The following MOCOS variants were observed in gnomAD, a reference collection of about 807,000 sequenced individuals.
The protein encoded by MOCOS is human molybdenum cofactor sulfurase.
Under a neutral mutation model 83.6 loss-of-function variants are expected in MOCOS, and 86 were observed. The observed-to-expected ratio is 1.03, with a 90% CI of 0.86 to 1.23. The LOEUF (loss-of-function observed/expected upper bound fraction) is 1.23. MOCOS is among the 50% of genes most tolerant of loss of function. The pLI, the probability that MOCOS is intolerant of heterozygous loss-of-function variation, is 0.00. For synonymous variants in MOCOS, 445 were observed against 434.7 expected, an observed-to-expected ratio of 1.02 and a Z score of -0.29; for missense variants, 1,120 against 1,126.9, an observed-to-expected ratio of 0.99 and a Z score of 0.09.
chr18:36,228,822 G>A (rs550608492), intron 9 of MOCOS, among the ~76,000 whole-genome samples: 3 of 145,714 alleles, frequency 2.1e-5, no homozygotes, highest in Non-Finnish European at 4.5e-5. Flanking sequence ...CTTGTACCAC[G>A]GAACTTAAAA....
Position 36,251,188 on chromosome 18 carries a change from T to A in MOCOS, c.2069T>A (p.Ile690Asn), listed in dbSNP as rs1200105789. ...AGTACTTATGATTGTGGAGAAAAAA[T>A]TTCAAGCTGGTTGTCAACATTTTTT... is the stretch of plus-strand genomic sequence containing the variant. ...RVSTYDCGEKISSWLSTFFGR... is the reference protein window; with the variant it reads ...RVSTYDCGEKNSSWLSTFFGR... Residue 690 changes from isoleucine (I) to asparagine (N), a missense_variant, in exon 11 of 15, where the codon ATT becomes AAT. Physicochemically the swap from Ile to Asn is moderately radical, Grantham distance 149 (BLOSUM62 -3). Coordinates refer to ENST00000261326, the MANE Select transcript of MOCOS (RefSeq NM_017947.4). 8 of 1,613,804 alleles carry A rather than the reference T, an allele frequency of 5.0e-6. No homozygotes were observed. The highest frequency in any genetic ancestry group is 1.3e-5 in the African/African-American group (1 of 75,038).
Position 36,261,741 on chromosome 18 carries a change from C to A in MOCOS, c.2409+1566C>A, listed in dbSNP as rs146326175. On this transcript the variant is annotated intron_variant, in intron 13 of 14. Coordinates refer to ENST00000261326, the MANE Select transcript of MOCOS (RefSeq NM_017947.4). ...CTCTCCCACAAGCCCATCTCAGGCA[C>A]TAGCCCTCCTGCCGTTTCCCTCATC... 9.5e-4 allele frequency among the ~76,000 whole-genome samples: 144 copies of A among 152,288 alleles called. 1 individual carries two copies. In the East Asian group the frequency reaches 0.022, roughly 23 times the overall value.
chr18:36,230,617 C>A (rs1329910975), intron 9 of MOCOS, among the ~76,000 whole-genome samples: 1 of 152,138 alleles, frequency 6.6e-6, no homozygotes, highest in African/African-American at 2.4e-5. Context: ...TGTGCCAGGC[C>A]CATCAGAGCT....
chr18:36,256,866 A>G (rs2091643456), intron 11 of MOCOS, 102 bp from the exon 12 acceptor site: 1 of 1,037,744 alleles, frequency 9.6e-7, no homozygotes. Flanking sequence ...TTTCCCTTGT[A>G]GAAATAGTCT....
chr18:36,201,674 A>AAAAAAAAAAAAG (rs1205619664), intron 4 of MOCOS, among the ~76,000 whole-genome samples: 35 of 148,010 alleles, frequency 2.4e-4, no homozygotes, highest in African/African-American at 6.8e-4. Flanking sequence ...AAAAAAAAAA[A>AAAAAAAAAAAAG]AAAAAGAAAT....
At chr18:36,202,306 C>T (rs149823921) in intron 4 of MOCOS, among the ~76,000 whole-genome samples, 16 of 152,228 alleles carry the variant, frequency 1.1e-4, no homozygotes, top group Non-Finnish European at 1.9e-4. Context: ...AATTGTCAAT[C>T]AATAACTGGC....
At chr18:36,216,817 C>T (rs2091477498) in intron 8 of MOCOS, among the ~76,000 whole-genome samples, 1 of 152,134 alleles carries the variant, frequency 6.6e-6, no homozygotes, top group Non-Finnish European at 1.5e-5. Flanking sequence ...TAATAGACCC[C>T]ATGTTAACCA....
At position 36,205,289 on chromosome 18, in the gene MOCOS, T is replaced by C. The variant is rs2091430827; in HGVS notation, c.1218+13T>C. The stretch of plus-strand genomic sequence containing the variant: ...TGGTTACTCCCAGGTGGGTTTTCTT[T>C]CCATCCTGCTGACTTTATTACAACT... On this transcript the variant is annotated intron_variant, in intron 6 of 14. Coordinates refer to ENST00000261326, the MANE Select transcript of MOCOS (RefSeq NM_017947.4). 5.6e-6 allele frequency: 9 copies of C among 1,607,306 alleles called. No homozygotes were observed. The highest frequency in any genetic ancestry group is 1.1e-5 in the South Asian group (1 of 90,890).
intron 7 of MOCOS, 62 bp from the exon 8 acceptor site, chr18:36,215,454 T>G: frequency 1.3e-6 from 2 of 1,494,866 alleles, no homozygotes; most frequent in East Asian, 4.6e-5. Context: ...TTTGCCGAAC[T>G]GTTTCCAGTG....
intron 8 of MOCOS, among the ~76,000 whole-genome samples, chr18:36,218,835 T>TA (rs1315404587): frequency 7.2e-6 from 1 of 138,532 alleles, no homozygotes; most frequent in Non-Finnish European, 1.5e-5. Context: ...CACTTTATTT[T>TA]ATTTTATTTA....
At chr18:36,190,574 C>A (rs1434878865) in intron 1 of MOCOS, among the ~76,000 whole-genome samples, 5 of 151,836 alleles carry the variant, frequency 3.3e-5, no homozygotes, top group Admixed American at 3.3e-4. Flanking sequence ...CATGGTGAAA[C>A]CCCGTCTCTA....
intron 10 of MOCOS, among the ~76,000 whole-genome samples, chr18:36,250,750 C>T (rs10164003): frequency 1.3e-5 from 2 of 152,164 alleles, no homozygotes; most frequent in South Asian, 4.1e-4. Context: ...TTTTACAAAC[C>T]AAACACGTCA....
At chr18:36,219,061 G>A (rs1314267504) in intron 8 of MOCOS, among the ~76,000 whole-genome samples, 2 of 150,378 alleles carry the variant, frequency 1.3e-5, no homozygotes, top group African/African-American at 4.9e-5. Context: ...TAGAGATGGG[G>A]TTTCACCATG....
intron 9 of MOCOS, among the ~76,000 whole-genome samples, chr18:36,237,853 A>C (rs954361469): frequency 6.7e-6 from 1 of 149,712 alleles, no homozygotes; most frequent in Non-Finnish European, 1.5e-5. Context: ...TTCCTGGTTT[A>C]GTCTTGGGAG....
intron 8 of MOCOS, among the ~76,000 whole-genome samples, chr18:36,217,762 C>G (rs1329609176): frequency 6.6e-6 from 1 of 152,164 alleles, no homozygotes; most frequent in Non-Finnish European, 1.5e-5. Context: ...CTGAATTGGT[C>G]TTGTAGCTTA....
chr18:36,239,365 A>G (rs1426021635), intron 9 of MOCOS, among the ~76,000 whole-genome samples: 2 of 148,294 alleles, frequency 1.3e-5, no homozygotes, highest in Non-Finnish European at 3.0e-5. Flanking sequence ...GCTTGTCTGT[A>G]AAGTATTTTA....
chr18:36,222,475 G>A (rs944247229), intron 9 of MOCOS, among the ~76,000 whole-genome samples: 10 of 151,732 alleles, frequency 6.6e-5, no homozygotes, highest in African/African-American at 2.4e-4. Context: ...ATTTCAATTT[G>A]CATTTCCCTC....
intron 9 of MOCOS, among the ~76,000 whole-genome samples, chr18:36,225,863 C>G (rs923446718): frequency 6.7e-6 from 1 of 150,086 alleles, no homozygotes; most frequent in African/African-American, 2.4e-5. Flanking sequence ...CTTGCTGCTA[C>G]TATTTCTAGT....
At position 36,215,572 on chromosome 18, in the gene MOCOS, T is replaced by C. The variant is rs1322912226; in HGVS notation, c.1392T>C (p.Ser464=). ...MDLIDGQPTG[S]VRISFGYMST... ...TCATAGATGGGCAGCCCACAGGATC[T>C]GTGAGGATTTCATTTGGATACATGT... Residue 464 remains serine (S), a synonymous_variant, in exon 8 of 15, where the codon TCT becomes TCC. Transcript: ENST00000261326. 1 of 1,614,212 alleles carries C rather than the reference T, an allele frequency of 6.2e-7. No homozygotes were observed. Among genetic ancestry groups the C allele is most frequent in the Non-Finnish European group, 8.5e-7 (1 of 1,180,050 alleles).
Sources: allele counts gnomAD v4.1 joint callset (sites outside exome capture counted in the v4.1 genomes callset), GRCh38; gene constraint gnomAD v4.1.1; transcripts MANE v1.5; gene names NCBI Gene and HGNC (gene_info 2026-07-23, HGNC 2026-07-21).